GALNT13: variants seen among roughly 807,000 people sequenced by gnomAD.
GALNT13 encodes the protein UDP-GalNAc:polypeptide N-acetylgalactosaminyltransferase 13.
GALNT13 carries 28 observed loss-of-function variants against 64.2 expected under a neutral mutation model. The ratio of observed to expected loss-of-function variants is 0.44; its 90% CI spans 0.32 to 0.60. GALNT13 has a LOEUF of 0.60. Among genes scored for constraint, GALNT13 ranks in the 20% least tolerant of loss-of-function variants. The pLI is 0.05. For synonymous variants in GALNT13, 214 were observed against 224.6 expected, an observed-to-expected ratio of 0.95 and a Z score of 0.42; for missense variants, 577 against 669.8, an observed-to-expected ratio of 0.86 and a Z score of 1.53.
At chr2:154,330,283 T>C (rs1374144611) in intron 9 of GALNT13, among the ~76,000 whole-genome samples, 3 of 152,106 alleles carry the variant, frequency 2.0e-5, no homozygotes, top group African/African-American at 7.2e-5. Context: ...CTATTCCTGA[T>C]TGTCGAGTCC....
chr2:154,120,510 C>G (rs1259793342), intron 3 of GALNT13, among the ~76,000 whole-genome samples: 3 of 152,178 alleles, frequency 2.0e-5, no homozygotes, highest in Admixed American at 1.3e-4. Context: ...GGCTGTTTGA[C>G]TTTCCAGGTC....
chr2:153,086,073 G>A, the GALNT13 span, among the ~76,000 whole-genome samples: 1 of 152,130 alleles, frequency 6.6e-6, no homozygotes, highest in Non-Finnish European at 1.5e-5. Context: ...ACTTTCATGG[G>A]GTCTGTAGCC....
intron 3 of GALNT13, among the ~76,000 whole-genome samples, chr2:154,068,421 A>G (rs1700577420): frequency 6.6e-6 from 1 of 152,000 alleles, no homozygotes. Context: ...TCCCATGTTT[A>G]TTGCAACACT....
chr2:153,120,422 G>A, the GALNT13 span, among the ~76,000 whole-genome samples: 7 of 152,286 alleles, frequency 4.6e-5, no homozygotes, highest in African/African-American at 1.4e-4. Context: ...TTCTCCTTGA[G>A]TGGACCATAG....
the GALNT13 span, among the ~76,000 whole-genome samples, chr2:153,181,716 A>G: frequency 6.9e-6 from 1 of 145,746 alleles, no homozygotes; most frequent in Non-Finnish European, 1.5e-5. Context: ...AAATATAATT[A>G]TATTGATAAA....
chr2:153,750,251 A>G, the GALNT13 span, among the ~76,000 whole-genome samples: 1 of 151,874 alleles, frequency 6.6e-6, no homozygotes, highest in Non-Finnish European at 1.5e-5. Flanking sequence ...GGACTTTTGC[A>G]TCAATATTCA....
chr2:153,447,574 C>T, the GALNT13 span, among the ~76,000 whole-genome samples: 4 of 152,196 alleles, frequency 2.6e-5, no homozygotes, highest in South Asian at 2.1e-4. Flanking sequence ...TAGTATTACT[C>T]TGGTAGTAGC....
chr2:153,908,579 G>T (rs918612659), intron 2 of GALNT13, among the ~76,000 whole-genome samples: 2 of 152,086 alleles, frequency 1.3e-5, no homozygotes, highest in Non-Finnish European at 2.9e-5. Flanking sequence ...GTGGTATAAA[G>T]AAGGAGTCCA....
chr2:153,192,190 C>A, the GALNT13 span, among the ~76,000 whole-genome samples: 3 of 151,906 alleles, frequency 2.0e-5, no homozygotes, highest in African/African-American at 7.2e-5. Flanking sequence ...TTATAAACTT[C>A]TATCTTAGCA....
chr2:153,502,296 T>A, the GALNT13 span, among the ~76,000 whole-genome samples: 1 of 152,188 alleles, frequency 6.6e-6, no homozygotes, highest in Non-Finnish European at 1.5e-5. Context: ...AGCCTTTGCA[T>A]CCTCATTACT....
At chr2:153,791,009 A>T in the GALNT13 span, among the ~76,000 whole-genome samples, 11 of 152,312 alleles carry the variant, frequency 7.2e-5, no homozygotes, top group East Asian at 2.1e-3. Context: ...TGGCAACAAA[A>T]GCAAAAATTG....
chr2:153,630,885 T>C, the GALNT13 span, among the ~76,000 whole-genome samples: 86 of 143,888 alleles, frequency 6.0e-4, 1 homozygote, highest in Middle Eastern at 3.8e-3. Flanking sequence ...TATGTATACA[T>C]GTGCCATGCT....
At chr2:154,416,277 C>G (rs1559142881) in intron 11 of GALNT13, among the ~76,000 whole-genome samples, 1 of 151,920 alleles carries the variant, frequency 6.6e-6, no homozygotes, top group Non-Finnish European at 1.5e-5. Context: ...GATCAAGACA[C>G]CAGCAGATTT....
At chr2:154,148,632 A>G (rs1683772830) in intron 4 of GALNT13, among the ~76,000 whole-genome samples, 1 of 152,024 alleles carries the variant, frequency 6.6e-6, no homozygotes, top group African/African-American at 2.4e-5. Flanking sequence ...CTGGTGTGAG[A>G]TGGTATCTCA....
the GALNT13 span, among the ~76,000 whole-genome samples, chr2:153,389,924 A>G: frequency 6.6e-6 from 1 of 152,080 alleles, no homozygotes; most frequent in African/African-American, 2.4e-5. Flanking sequence ...ACAAGTTAAG[A>G]ATAATAGTGT....
the GALNT13 span, among the ~76,000 whole-genome samples, chr2:153,166,275 G>T: frequency 6.6e-6 from 1 of 152,150 alleles, no homozygotes; most frequent in African/African-American, 2.4e-5. Flanking sequence ...AAGATGATGG[G>T]ATGCCACCTC....
chr2:154,424,120 A>G (rs537530974), intron 11 of GALNT13, among the ~76,000 whole-genome samples: 6 of 152,300 alleles, frequency 3.9e-5, no homozygotes, highest in African/African-American at 1.4e-4. Flanking sequence ...CTAAAAATAT[A>G]TTGTTGGATG....
chr2:153,243,782 T>G, the GALNT13 span, among the ~76,000 whole-genome samples: 6 of 152,310 alleles, frequency 3.9e-5, no homozygotes, highest in African/African-American at 9.6e-5. Context: ...TTTCATTTTT[T>G]TTTCATAGTC....
chr2:153,151,796 C>T, the GALNT13 span, among the ~76,000 whole-genome samples: 53,691 of 139,590 alleles, frequency 0.38, 10,565 homozygotes, highest in African/African-American at 0.53. Flanking sequence ...CACATAGACA[C>T]AGGAAGGGGA....
Sources: allele counts gnomAD v4.1 joint callset (sites outside exome capture counted in the v4.1 genomes callset), GRCh38; gene constraint gnomAD v4.1.1; transcripts MANE v1.5; gene names NCBI Gene and HGNC (gene_info 2026-07-23, HGNC 2026-07-21).